Variants in NXPH1 observed in about 807,000 individuals in gnomAD.
The protein encoded by NXPH1 is neurexophilin 1, also known as neurexophilin-1.
Under a neutral mutation model 23.7 loss-of-function variants are expected in NXPH1, and 5 were observed. The ratio of observed to expected loss-of-function variants is 0.21; its 90% confidence interval spans 0.11 to 0.44. The LOEUF is 0.44. Among genes scored for constraint, NXPH1 ranks in the 20% least tolerant of loss-of-function variants. NXPH1 has a pLI of 0.99. For synonymous variants in NXPH1, 144 were observed against 122.2 expected, an observed-to-expected ratio of 1.18 and a Z score of -1.18; for missense variants, 324 against 321.6, an observed-to-expected ratio of 1.01 and a Z score of -0.06.
intron 2 of NXPH1, among the ~76,000 whole-genome samples, chr7:8,720,097 G>T (rs1326580161): frequency 7.8e-6 from 1 of 128,140 alleles, no homozygotes; most frequent in African/African-American, 3.2e-5. Context: ...AATGATGATT[G>T]AGGTTACACT....
At chr7:8,528,981 A>G (rs1306482626) in intron 2 of NXPH1, among the ~76,000 whole-genome samples, 1 of 152,220 alleles carries the variant, frequency 6.6e-6, no homozygotes, top group Non-Finnish European at 1.5e-5. Context: ...TGTAGTTCCC[A>G]TCTGGGGTTC....
At chr7:8,636,853 A>T (rs529004526) in intron 2 of NXPH1, among the ~76,000 whole-genome samples, 133 of 151,110 alleles carry the variant, frequency 8.8e-4, no homozygotes, top group Non-Finnish European at 1.6e-3. Flanking sequence ...GAAGATTTGT[A>T]TTGGATTTCT....
intron 2 of NXPH1, among the ~76,000 whole-genome samples, chr7:8,465,775 G>A (rs7796918): frequency 0.15 from 22,674 of 152,126 alleles, 4,220 homozygotes; most frequent in African/African-American, 0.44. Flanking sequence ...ACCTCACTTA[G>A]CAATAGCTGG....
chr7:8,579,047 A>G (rs1237876424), intron 2 of NXPH1, among the ~76,000 whole-genome samples: 1 of 152,236 alleles, frequency 6.6e-6, no homozygotes, highest in Non-Finnish European at 1.5e-5. Context: ...CCAGGTACTC[A>G]TCACCTTAGA....
chr7:8,450,789 A>T (rs1447192463), intron 2 of NXPH1, among the ~76,000 whole-genome samples: 1 of 152,252 alleles, frequency 6.6e-6, no homozygotes, highest in Non-Finnish European at 1.5e-5. Flanking sequence ...TCATATTCAT[A>T]TTCTCCGCAA....
At chr7:8,527,049 C>A (rs1483451068) in intron 2 of NXPH1, among the ~76,000 whole-genome samples, 1 of 150,964 alleles carries the variant, frequency 6.6e-6, no homozygotes, top group African/African-American at 2.4e-5. Context: ...TGCCCCTTAC[C>A]AAAAAAAAAA....
At chr7:8,602,087 G>C (rs7790205) in intron 2 of NXPH1, among the ~76,000 whole-genome samples, 2 of 152,134 alleles carry the variant, frequency 1.3e-5, no homozygotes, top group African/African-American at 4.8e-5. Context: ...TTGCTTTTAA[G>C]AGTACAAACA....
intron 2 of NXPH1, among the ~76,000 whole-genome samples, chr7:8,513,697 G>T (rs1357573471): frequency 6.6e-6 from 1 of 152,040 alleles, no homozygotes; most frequent in African/African-American, 2.4e-5. Flanking sequence ...AGGTAAGGAG[G>T]AGTCATCTGA....
chr7:8,514,789 C>T (rs1388283735), intron 2 of NXPH1, among the ~76,000 whole-genome samples: 1 of 152,126 alleles, frequency 6.6e-6, no homozygotes, highest in Non-Finnish European at 1.5e-5. Flanking sequence ...TGTCCATCTC[C>T]ACTCCACTTC....
chr7:8,650,766 G>A (rs1313837685), intron 2 of NXPH1, among the ~76,000 whole-genome samples: 1 of 152,144 alleles, frequency 6.6e-6, no homozygotes, highest in Non-Finnish European at 1.5e-5. Flanking sequence ...TGGAAAAAGT[G>A]AAATGACAGT....
intron 2 of NXPH1, among the ~76,000 whole-genome samples, chr7:8,676,052 A>T (rs1269447773): frequency 6.6e-6 from 1 of 152,176 alleles, no homozygotes; most frequent in Admixed American, 6.5e-5. Flanking sequence ...TTTCTTAACA[A>T]TTTAACCATA....
chr7:8,478,250 AT>A (rs1205778271), intron 2 of NXPH1, among the ~76,000 whole-genome samples: 2 of 152,118 alleles, frequency 1.3e-5, no homozygotes, highest in Non-Finnish European at 2.9e-5. Flanking sequence ...GTTTCTTAAC[AT>A]TTTGGGGACC....
At chr7:8,743,654 T>C (rs1780407422) in intron 2 of NXPH1, among the ~76,000 whole-genome samples, 1 of 151,930 alleles carries the variant, frequency 6.6e-6, no homozygotes, top group East Asian at 1.9e-4. Flanking sequence ...TAGGAGGAGC[T>C]AGAGCAAAGT....
At chr7:8,559,856 C>A (rs1366789587) in intron 2 of NXPH1, among the ~76,000 whole-genome samples, 3 of 151,634 alleles carry the variant, frequency 2.0e-5, no homozygotes, top group Non-Finnish European at 4.4e-5. Context: ...CATACTGGGC[C>A]AGTAGTCAAC....
At chr7:8,750,926 C>G (rs1780552879) in intron 2 of NXPH1, 82 bp from the exon 3 acceptor site, 4 of 1,339,134 alleles carry the variant, frequency 3.0e-6, no homozygotes, top group Middle Eastern at 1.9e-4. Flanking sequence ...AATCCTGAGA[C>G]TCAGAGAAGG....
chr7:8,497,821 C>T (rs890453931), intron 2 of NXPH1, among the ~76,000 whole-genome samples: 1 of 152,086 alleles, frequency 6.6e-6, no homozygotes, highest in Admixed American at 6.5e-5. Context: ...GTTGCCTGTT[C>T]ACTGTGCTGG....
chr7:8,634,704 C>T (rs1223948814), intron 2 of NXPH1, among the ~76,000 whole-genome samples: 1 of 129,726 alleles, frequency 7.7e-6, no homozygotes, highest in Non-Finnish European at 1.6e-5. Context: ...TTCCAAAGAG[C>T]AGCCTCACTT....
intron 2 of NXPH1, among the ~76,000 whole-genome samples, chr7:8,597,522 T>C (rs11983853): frequency 0.048 from 7,242 of 152,110 alleles, 535 homozygotes; most frequent in African/African-American, 0.15. Context: ...ACTTTCTTTA[T>C]GTCTAGAATT....
At chr7:8,437,130 A>G (rs1233338270) in intron 2 of NXPH1, among the ~76,000 whole-genome samples, 1 of 152,182 alleles carries the variant, frequency 6.6e-6, no homozygotes, top group East Asian at 1.9e-4. Flanking sequence ...CTTGGGGTAA[A>G]CAGGTGAAAG....
Sources: allele counts gnomAD v4.1 joint callset (sites outside exome capture counted in the v4.1 genomes callset), GRCh38; gene constraint gnomAD v4.1.1; transcripts MANE v1.5; gene names NCBI Gene and HGNC (gene_info 2026-07-23, HGNC 2026-07-21).